The following CELF4 variants were observed in gnomAD, a reference collection of about 807,000 sequenced individuals.
CELF4 encodes CUG-BP- and ETR-3-like factor 4.
CELF4 carries 18 observed loss-of-function variants against 59.9 expected under a neutral mutation model. The observed-to-expected ratio is 0.30, with a 90% CI of 0.21 to 0.45. The LOEUF (loss-of-function observed/expected upper bound fraction) is 0.45. CELF4 is among the 20% of genes least tolerant of loss of function. The probability of loss-of-function intolerance (pLI) is 1.00; values close to 1 mark genes in which losing one functional copy is unlikely to be tolerated. For synonymous variants in CELF4, 261 were observed against 267.1 expected, an observed-to-expected ratio of 0.98 and a Z score of 0.22; for missense variants, 456 against 689.0, an observed-to-expected ratio of 0.66 and a Z score of 3.79.
At chr18:37,284,849 G>T (rs1261953610) in intron 3 of CELF4, among the ~76,000 whole-genome samples, 1 of 152,246 alleles carries the variant, frequency 6.6e-6, no homozygotes, top group East Asian at 1.9e-4. Flanking sequence ...GCACAGAGAA[G>T]TTAAATATCT....
chr18:37,495,593 G>A (rs187667164), intron 1 of CELF4, among the ~76,000 whole-genome samples: 4 of 152,286 alleles, frequency 2.6e-5, no homozygotes, highest in Non-Finnish European at 5.9e-5. Flanking sequence ...TACCTGCACA[G>A]CGAGCTCAGC....
Position 37,457,231 on chromosome 18 carries a change from G to A in CELF4, c.369+28294C>T, listed in dbSNP as rs1157224314. ...TTGCCTCCAGAGCCTGACTGGAGCT[G>A]TCTTCAGGAGACACCAGCGGCTGAT... On this transcript the variant is annotated intron_variant, in intron 2 of 12. Coordinates refer to ENST00000420428, the MANE Select transcript of CELF4 (RefSeq NM_020180.4). 5.3e-5 allele frequency among the ~76,000 whole-genome samples: 8 copies of A among 152,212 alleles called. No homozygotes were observed. In the East Asian group the frequency reaches 1.3e-3, roughly 26 times the overall value.
chr18:37,380,977 T>C (rs2099032931), intron 2 of CELF4, among the ~76,000 whole-genome samples: 1 of 151,336 alleles, frequency 6.6e-6, no homozygotes, highest in Non-Finnish European at 1.5e-5. Flanking sequence ...CATATATCCT[T>C]ATGTATCCAT....
At chr18:37,438,659 G>GA in intron 2 of CELF4, among the ~76,000 whole-genome samples, 1 of 152,312 alleles carries the variant, frequency 6.6e-6, no homozygotes, top group African/African-American at 2.4e-5. Context: ...AATCCAGCCA[G>GA]AAAAAATATA....
rs879166754 is a variant in CELF4, at chr18:37,274,289, G to C, written c.801+22C>G. ...CAGGGGAGTGAGCTTGAGAACCGCT[G>C]CCCGTGCGCGCTGCCACTTACTGCC... On this transcript the variant is annotated intron_variant, in intron 6 of 12. Coordinates refer to ENST00000420428, the MANE Select transcript of CELF4 (RefSeq NM_020180.4). The C allele has an allele frequency of 8.7e-6, 14 of 1,609,538 alleles. 1 individual carries two copies. The South Asian group carries it at 1.4e-4, about 16-fold the overall frequency.
At chr18:37,366,689 ATCGCCAC>A (rs763188842) in intron 2 of CELF4, among the ~76,000 whole-genome samples, 40 of 152,342 alleles carry the variant, frequency 2.6e-4, no homozygotes, top group Non-Finnish European at 5.7e-4. Context: ...GGAGGGAGGC[ATCGCCAC>A]TATCATTGGA....
At chr18:37,356,429 AAGAGGTGCTGGAAAGGCC>A (rs1359749222) in intron 2 of CELF4, among the ~76,000 whole-genome samples, 2 of 152,254 alleles carry the variant, frequency 1.3e-5, no homozygotes, top group East Asian at 3.9e-4. Context: ...AAGGACATGA[AAGAGGTGCTGGAAAGGCC>A]AGAGGTGCTG....
chr18:37,519,011 A>G (rs1212969909), intron 1 of CELF4, among the ~76,000 whole-genome samples: 1 of 152,238 alleles, frequency 6.6e-6, no homozygotes, highest in East Asian at 1.9e-4. Flanking sequence ...GACTGAAAGC[A>G]TAAGATTAAG....
chr18:37,522,673 C>T (rs34138739), intron 1 of CELF4, among the ~76,000 whole-genome samples: 3,200 of 152,242 alleles, frequency 0.021, 62 homozygotes, highest in Non-Finnish European at 0.029. Flanking sequence ...TTGTTTGAGA[C>T]GAGCTTCAGT....
At chr18:37,352,902 G>A (rs995640452) in intron 2 of CELF4, among the ~76,000 whole-genome samples, 1 of 152,086 alleles carries the variant, frequency 6.6e-6, no homozygotes, top group Admixed American at 6.5e-5. Context: ...ATTGGTGCCC[G>A]AATGCACCAG....
At chr18:37,309,106 A>G (rs967780484) in intron 3 of CELF4, among the ~76,000 whole-genome samples, 4 of 152,168 alleles carry the variant, frequency 2.6e-5, no homozygotes, top group Admixed American at 1.3e-4. Flanking sequence ...ATGAGAAGCT[A>G]AAGAACCCAG....
chr18:37,459,516 A>C (rs936223602), intron 2 of CELF4, among the ~76,000 whole-genome samples: 2 of 152,060 alleles, frequency 1.3e-5, no homozygotes, highest in Non-Finnish European at 2.9e-5. Flanking sequence ...ACAGTCATCC[A>C]CAGGATTCAT....
At chr18:37,362,690 C>T (rs920461089) in intron 2 of CELF4, among the ~76,000 whole-genome samples, 1 of 151,180 alleles carries the variant, frequency 6.6e-6, no homozygotes, top group African/African-American at 2.4e-5. Flanking sequence ...GCCCTGCCCG[C>T]GCTGAACTCT....
At chr18:37,472,886 G>A (rs1207049586) in intron 2 of CELF4, among the ~76,000 whole-genome samples, 1 of 152,178 alleles carries the variant, frequency 6.6e-6, no homozygotes, top group Non-Finnish European at 1.5e-5. Context: ...TTCTATGCGG[G>A]CATTTATGAT....
chr18:37,254,881 C>T lies in CELF4; in HGVS notation c.1334-943G>A. On this transcript the variant is annotated intron_variant, in intron 11 of 12. Coordinates refer to ENST00000420428, the MANE Select transcript of CELF4 (RefSeq NM_020180.4). The surrounding 1 kb of genome is among the most constrained non-coding windows in gnomAD (Gnocchi z 5.1). ...ATCTCTTCATACAGACAACATTTTA[C>T]ATCAGCATTTCCCAAACTGGCCCTA... Among the ~76,000 whole-genome samples, 1 of 152,204 alleles carries T rather than the reference C, an allele frequency of 6.6e-6. No individual in the cohort carries two copies. The highest frequency in any genetic ancestry group is 1.9e-4 in the East Asian group (1 of 5,186).
At position 37,330,455 on chromosome 18, in the gene CELF4, T is replaced by C. The variant is rs1603504388; in HGVS notation, c.370-8574A>G. ...ATATATTAATGCTTTAATTACCTCC[T>C]TAATAAATCGCATATGGTGCGTTCC... is the stretch of plus-strand genomic sequence containing the variant. On this transcript the variant is annotated intron_variant, in intron 2 of 12. Transcript: ENST00000420428. Among the ~76,000 whole-genome samples the C allele has an allele frequency of 3.9e-5, 6 of 152,348 alleles. 2 individuals are homozygous for C. The highest frequency in any genetic ancestry group is 3.9e-4 in the Admixed American group (6 of 15,308).
chr18:37,452,201 T>A (rs2099765957), intron 2 of CELF4, among the ~76,000 whole-genome samples: 1 of 152,238 alleles, frequency 6.6e-6, no homozygotes, highest in Admixed American at 6.5e-5. Context: ...ATAATGGCAA[T>A]AATAGCAGCA....
intron 2 of CELF4, among the ~76,000 whole-genome samples, chr18:37,407,073 A>G (rs978997782): frequency 3.3e-5 from 5 of 152,226 alleles, no homozygotes; most frequent in African/African-American, 1.2e-4. Flanking sequence ...AGGATCTAAT[A>G]GACCTACTGC....
chr18:37,469,273 C>T (rs2154602500), intron 2 of CELF4, among the ~76,000 whole-genome samples: 1 of 152,254 alleles, frequency 6.6e-6, no homozygotes, highest in South Asian at 2.1e-4. Context: ...GCATGGGGCT[C>T]CTCAGAGTCA....
Sources: allele counts gnomAD v4.1 joint callset (sites outside exome capture counted in the v4.1 genomes callset), GRCh38; gene constraint gnomAD v4.1.1; non-coding constraint Gnocchi (gnomAD v3.1); transcripts MANE v1.5; gene names NCBI Gene and HGNC (gene_info 2026-07-23, HGNC 2026-07-21).